The following SLC14A2 variants were observed in gnomAD, a reference collection of about 807,000 sequenced individuals.
SLC14A2 encodes the protein urea transporter 2.
In SLC14A2, 91 loss-of-function variants were observed where a neutral mutation model predicts 104.6. The observed-to-expected ratio is 0.87, with a 90% CI of 0.73 to 1.04. SLC14A2 has a LOEUF of 1.04. SLC14A2 is among the 50% of genes least tolerant of loss of function. The pLI is 0.00. For synonymous variants in SLC14A2, 476 were observed against 466.4 expected, an observed-to-expected ratio of 1.02 and a Z score of -0.27; for missense variants, 1,189 against 1,156.0, an observed-to-expected ratio of 1.03 and a Z score of -0.41.
chr18:45,330,569 T>A (rs1205316832), intron 1 of SLC14A2, among the ~76,000 whole-genome samples: 9 of 152,148 alleles, frequency 5.9e-5, no homozygotes, highest in Non-Finnish European at 8.8e-5. Flanking sequence ...TGCCTGCCCA[T>A]CCCAAATAGC....
At chr18:45,433,128 A>G (rs1568200619) in intron 1 of SLC14A2, among the ~76,000 whole-genome samples, 3 of 152,114 alleles carry the variant, frequency 2.0e-5, no homozygotes, top group Non-Finnish European at 4.4e-5. Flanking sequence ...TATGGATTAG[A>G]TAGACATAGG....
At chr18:45,446,548 G>C (rs1466850754) in intron 1 of SLC14A2, among the ~76,000 whole-genome samples, 5 of 152,230 alleles carry the variant, frequency 3.3e-5, no homozygotes, top group Admixed American at 3.3e-4. Flanking sequence ...TCATCCAATT[G>C]ATGATATTTG....
At chr18:45,462,913 C>A (rs1016264630) in intron 1 of SLC14A2, among the ~76,000 whole-genome samples, 6 of 152,172 alleles carry the variant, frequency 3.9e-5, no homozygotes, top group Non-Finnish European at 8.8e-5. Context: ...CAATATATGG[C>A]CTCTATTATC....
intron 1 of SLC14A2, among the ~76,000 whole-genome samples, chr18:45,272,904 T>A (rs982893633): frequency 3.3e-5 from 5 of 152,040 alleles, no homozygotes; most frequent in Non-Finnish European, 5.9e-5. Flanking sequence ...CACACAAAAA[T>A]TTTTTTAAAA....
chr18:45,672,586 T>C (rs2046159537), intron 16 of SLC14A2, among the ~76,000 whole-genome samples: 2 of 151,836 alleles, frequency 1.3e-5, no homozygotes, highest in African/African-American at 4.8e-5. Context: ...ATCAGACATA[T>C]ATTACTTTTC....
At chr18:45,508,004 G>A (rs1288447996) in intron 2 of SLC14A2, among the ~76,000 whole-genome samples, 1 of 152,198 alleles carries the variant, frequency 6.6e-6, no homozygotes, top group African/African-American at 2.4e-5. Flanking sequence ...ATCCTATAAT[G>A]CAAGCTTAAA....
At chr18:45,411,097 C>G (rs1168514728) in intron 1 of SLC14A2, among the ~76,000 whole-genome samples, 1 of 152,174 alleles carries the variant, frequency 6.6e-6, no homozygotes, top group Non-Finnish European at 1.5e-5. Context: ...GAACCTAACC[C>G]TGTATTCCCT....
At chr18:45,446,860 C>T (rs2086778972) in intron 1 of SLC14A2, among the ~76,000 whole-genome samples, 1 of 152,172 alleles carries the variant, frequency 6.6e-6, no homozygotes, top group African/African-American at 2.4e-5. Context: ...GAAGAGAGGT[C>T]ATTCCTGCTT....
At chr18:45,674,637 G>A (rs1177330348) in intron 18 of SLC14A2, among the ~76,000 whole-genome samples, 15 of 150,690 alleles carry the variant, frequency 1.0e-4, no homozygotes, top group Admixed American at 7.9e-4. Context: ...CTGTCATATT[G>A]CCCAAATAAA....
At chr18:45,252,162 C>T (rs1033992672) in intron 1 of SLC14A2, among the ~76,000 whole-genome samples, 8 of 152,102 alleles carry the variant, frequency 5.3e-5, no homozygotes, top group Non-Finnish European at 1.2e-4. Flanking sequence ...CTGGACAGAC[C>T]CTGCCCTCTG....
chr18:45,576,627 G>C (rs1001714063), intron 2 of SLC14A2, among the ~76,000 whole-genome samples: 1 of 151,990 alleles, frequency 6.6e-6, no homozygotes, highest in South Asian at 2.1e-4. Context: ...GGCTGAGAAG[G>C]CTGGAACAGC....
At chr18:45,614,650 T>A (rs1568298985), upstream of SLC14A2, among the ~76,000 whole-genome samples, 1 of 152,104 alleles carries the variant, frequency 6.6e-6, no homozygotes, top group East Asian at 1.9e-4. Context: ...TTTTTGAGAT[T>A]TAAGATTTAA....
rs71177672 is a variant in SLC14A2 at position 45,235,813 on chromosome 18, G to GTA, written c.-125+22639_-125+22640dup. On this transcript the variant is annotated intron_variant, in intron 1 of 20. Coordinates refer to the SLC14A2 transcript ENST00000586448. Reference sequence around the variant, plus strand: ...TGTATGCGCGTGTGTGTGTGTGTGTGTATATATATATATATATACGTGTAT... The same window carrying GTA: ...TGTATGCGCGTGTGTGTGTGTGTGTGTATATATATATATATATATACGTGTAT... 7.6e-3 allele frequency among the ~76,000 whole-genome samples: 714 copies of GTA among 93,436 alleles called. 86 individuals are homozygous for GTA. Among genetic ancestry groups the GTA allele is most frequent in the East Asian group, 0.012 (43 of 3,638 alleles). The allele number at this position is 93,436 out of a possible 152,430, so 61.3% of individuals were successfully genotyped here. A position where few individuals can be genotyped will look rare whatever the true frequency, so the allele number is the denominator to read the frequency against.
intron 1 of SLC14A2, among the ~76,000 whole-genome samples, chr18:45,429,260 A>T (rs2086478514): frequency 6.6e-6 from 1 of 152,246 alleles, no homozygotes; most frequent in African/African-American, 2.4e-5. Flanking sequence ...TCTACTTATT[A>T]CATGAATAAA....
the SLC14A2 span, among the ~76,000 whole-genome samples, chr18:45,193,724 G>C: frequency 6.6e-6 from 1 of 151,066 alleles, no homozygotes; most frequent in Non-Finnish European, 1.5e-5. Context: ...ACAAATTTTA[G>C]CACCAGTTTT....
At chr18:45,442,908 C>G (rs2542976) in intron 1 of SLC14A2, among the ~76,000 whole-genome samples, 122,578 of 152,164 alleles carry the variant, frequency 0.81, 49,363 homozygotes, top group East Asian at 0.86. Flanking sequence ...CAGGATGTGT[C>G]TGTGCATGGG....
chr18:45,235,545 T>C (rs2084216384), intron 1 of SLC14A2, among the ~76,000 whole-genome samples: 1 of 152,066 alleles, frequency 6.6e-6, no homozygotes, highest in African/African-American at 2.4e-5. Context: ...ATTTTGTATC[T>C]TTTAACCAAC....
At chr18:45,292,896 A>G (rs755456054) in intron 1 of SLC14A2, among the ~76,000 whole-genome samples, 2 of 152,122 alleles carry the variant, frequency 1.3e-5, no homozygotes, top group Non-Finnish European at 2.9e-5. Context: ...TACACTCCCA[A>G]TGGCTCCTTA....
At chr18:45,237,994 G>C (rs942419871) in intron 1 of SLC14A2, among the ~76,000 whole-genome samples, 1 of 152,166 alleles carries the variant, frequency 6.6e-6, no homozygotes, top group African/African-American at 2.4e-5. Context: ...TATTTACTGA[G>C]CAGCACCATT....
Sources: allele counts gnomAD v4.1 joint callset (sites outside exome capture counted in the v4.1 genomes callset), GRCh38; gene constraint gnomAD v4.1.1; transcripts MANE v1.5; gene names NCBI Gene and HGNC (gene_info 2026-07-23, HGNC 2026-07-21).